The following IL1RAPL1 variants were observed in gnomAD, a reference collection of about 807,000 sequenced individuals.
The protein encoded by IL1RAPL1 is interleukin-1 receptor accessory protein-like 1.
A neutral mutation model predicts 48.4 loss-of-function variants in IL1RAPL1; 3 were observed. The observed-to-expected ratio is 0.06, with a 90% confidence interval of 0.03 to 0.16. The LOEUF is 0.16. Ranked by LOEUF, IL1RAPL1 falls within the 10% of genes least tolerant of loss-of-function variation. The pLI is 1.00. For synonymous variants in IL1RAPL1, 185 were observed against 187.7 expected, an observed-to-expected ratio of 0.99 and a Z score of 0.12; for missense variants, 349 against 530.6, an observed-to-expected ratio of 0.66 and a Z score of 3.36.
intron 2 of IL1RAPL1, among the ~76,000 whole-genome samples, chrX:29,011,385 G>C (rs1926119452): frequency 8.9e-6 from 1 of 112,355 alleles, no homozygotes; most frequent in African/African-American, 3.2e-5. Context: ...AATATTTATG[G>C]AGGTGAATTG....
intron 3 of IL1RAPL1, among the ~76,000 whole-genome samples, chrX:29,352,838 G>T (rs1457752521): frequency 9.0e-6 from 1 of 111,306 alleles, no homozygotes; most frequent in African/African-American, 3.3e-5. Flanking sequence ...TCAGTGGAAA[G>T]GTTGCTCCAA....
chrX:29,491,336 A>G (rs1935157539), intron 5 of IL1RAPL1, among the ~76,000 whole-genome samples: 1 of 112,565 alleles, frequency 8.9e-6, no homozygotes, highest in Non-Finnish European at 1.9e-5. Context: ...CACTTAAGTG[A>G]AACATGCAGT....
At chrX:28,977,159 G>C (rs1023417686) in intron 2 of IL1RAPL1, among the ~76,000 whole-genome samples, 2 of 112,309 alleles carry the variant, frequency 1.8e-5, no homozygotes, top group Non-Finnish European at 3.8e-5. Context: ...TTGACCATTA[G>C]ATTTAACAGC....
chrX:29,692,389 C>G (rs1450631610), intron 6 of IL1RAPL1, among the ~76,000 whole-genome samples: 1 of 111,765 alleles, frequency 8.9e-6, no homozygotes, highest in Admixed American at 9.5e-5. Flanking sequence ...GTGCTATCTG[C>G]CAGTTGTTTG....
At chrX:29,123,556 A>G (rs1430709378) in intron 2 of IL1RAPL1, among the ~76,000 whole-genome samples, 20 of 112,534 alleles carry the variant, frequency 1.8e-4, no homozygotes, top group Non-Finnish European at 5.6e-5. Flanking sequence ...TGATTTTAAA[A>G]TCATGAGAAA....
chrX:29,406,604 G>A (rs929635027), intron 5 of IL1RAPL1, among the ~76,000 whole-genome samples: 9 of 111,701 alleles, frequency 8.1e-5, no homozygotes, highest in Non-Finnish European at 1.7e-4. Flanking sequence ...GGCAAAAGCC[G>A]CAATTACATT....
intron 2 of IL1RAPL1, among the ~76,000 whole-genome samples, chrX:28,890,746 G>A (rs1922750908): frequency 8.9e-6 from 1 of 111,760 alleles, no homozygotes; most frequent in Admixed American, 9.5e-5. Context: ...TAGTTGAGGT[G>A]AAAATTGTTC....
chrX:29,111,528 G>T (rs888010568), intron 2 of IL1RAPL1, among the ~76,000 whole-genome samples: 7 of 111,332 alleles, frequency 6.3e-5, no homozygotes, highest in African/African-American at 2.3e-4. Flanking sequence ...CTCAACTTTT[G>T]CACTGACAAG....
chrX:29,532,341 T>C (rs1921070879), intron 5 of IL1RAPL1, among the ~76,000 whole-genome samples: 1 of 112,100 alleles, frequency 8.9e-6, no homozygotes, highest in South Asian at 3.7e-4. Flanking sequence ...GTTATTTTGA[T>C]TGATGGAATT....
chrX:29,942,872 C>T (rs947767013), intron 9 of IL1RAPL1, among the ~76,000 whole-genome samples: 6 of 110,959 alleles, frequency 5.4e-5, no homozygotes, highest in Admixed American at 2.9e-4. Context: ...CCCCCCATCT[C>T]GGCCTCCCAA....
At chrX:29,380,523 G>A (rs1182206926) in intron 3 of IL1RAPL1, among the ~76,000 whole-genome samples, 1 of 112,140 alleles carries the variant, frequency 8.9e-6, no homozygotes, top group Non-Finnish European at 1.9e-5. Flanking sequence ...CACTGTACCT[G>A]GCCATTGTTG....
At chrX:29,783,825 A>C (rs1272329118) in intron 6 of IL1RAPL1, among the ~76,000 whole-genome samples, 4 of 112,614 alleles carry the variant, frequency 3.6e-5, no homozygotes, top group Non-Finnish European at 7.5e-5. Context: ...ATGCTAAAAT[A>C]GAAACCAAAC....
At chrX:29,487,121 A>G (rs1417391742) in intron 5 of IL1RAPL1, among the ~76,000 whole-genome samples, 2 of 111,696 alleles carry the variant, frequency 1.8e-5, no homozygotes, top group African/African-American at 3.3e-5. Flanking sequence ...AATCCTGCCT[A>G]TGATAACATT....
intron 2 of IL1RAPL1, among the ~76,000 whole-genome samples, chrX:29,169,185 G>A (rs1409667954): frequency 9.2e-6 from 1 of 108,822 alleles, no homozygotes; most frequent in African/African-American, 3.3e-5. Flanking sequence ...ATCTAGTAAT[G>A]GGATTGCTGG....
chrX:28,715,058 C>T (rs1935487513), intron 1 of IL1RAPL1, among the ~76,000 whole-genome samples: 1 of 112,174 alleles, frequency 8.9e-6, no homozygotes, highest in Admixed American at 9.5e-5. Flanking sequence ...TGATAGATAG[C>T]TACAGAACTC....
chrX:29,865,623 T>TTTCTG (rs1212643992), intron 6 of IL1RAPL1, among the ~76,000 whole-genome samples: 48 of 102,687 alleles, frequency 4.7e-4, no homozygotes, highest in African/African-American at 1.7e-3. Context: ...GTGCTGTTTT[T>TTTCTG]TTCTTTTCTT....
intron 2 of IL1RAPL1, among the ~76,000 whole-genome samples, chrX:29,005,457 A>T: frequency 8.9e-6 from 1 of 112,198 alleles, no homozygotes. Context: ...ATTGGAAATC[A>T]AATAGTGACA....
chrX:29,817,702 C>T (rs746763578), intron 6 of IL1RAPL1, among the ~76,000 whole-genome samples: 14 of 111,265 alleles, frequency 1.3e-4, no homozygotes, highest in Non-Finnish European at 2.1e-4. Context: ...ACCCAGATTC[C>T]GATTGATTAA....
At chrX:29,163,344 C>A (rs978805244) in intron 2 of IL1RAPL1, among the ~76,000 whole-genome samples, 1 of 111,606 alleles carries the variant, frequency 9.0e-6, no homozygotes, top group Non-Finnish European at 1.9e-5. Context: ...GCATTTCTAA[C>A]AAGCTCCTAG....
Sources: gnomAD v4.1 joint callset for allele counts (sites outside exome capture counted in the v4.1 genomes callset) on GRCh38, gnomAD v4.1.1 for gene constraint, MANE v1.5 for transcripts, NCBI Gene and HGNC (gene_info 2026-07-23, HGNC 2026-07-21) for gene names.